Variants in PCSK2 observed in about 807,000 individuals in gnomAD.
PCSK2 encodes neuroendocrine convertase 2.
A neutral mutation model predicts 69.7 loss-of-function variants in PCSK2; 14 were observed. That is an observed-to-expected ratio of 0.20 (90% CI 0.13 to 0.31). PCSK2 has a LOEUF of 0.31. Among genes scored for constraint, PCSK2 ranks in the 10% least tolerant of loss-of-function variants. The pLI, the probability that PCSK2 is intolerant of heterozygous loss-of-function variation, is 1.00. For synonymous variants in PCSK2, 307 were observed against 320.7 expected, an observed-to-expected ratio of 0.96 and a Z score of 0.46; for missense variants, 544 against 842.5, an observed-to-expected ratio of 0.65 and a Z score of 4.39.
intron 2 of PCSK2, among the ~76,000 whole-genome samples, chr20:17,285,609 T>C (rs1482324974): frequency 6.6e-6 from 1 of 152,244 alleles, no homozygotes; most frequent in African/African-American, 2.4e-5. Flanking sequence ...CAGTAGACTG[T>C]ATTTTGAGCT....
intron 5 of PCSK2, among the ~76,000 whole-genome samples, chr20:17,402,751 A>G (rs1233688021): frequency 6.6e-6 from 1 of 151,664 alleles, no homozygotes; most frequent in Non-Finnish European, 1.5e-5. Flanking sequence ...TTAGGAGATC[A>G]AGACCATCCT....
chr20:17,436,591 G>A, intron 7 of PCSK2, 117 bp from the exon 8 acceptor site: 1 of 809,042 alleles, frequency 1.2e-6, no homozygotes, highest in Non-Finnish European at 2.0e-6. Flanking sequence ...AGTGGCCCCA[G>A]AGCACCTGAG....
intron 5 of PCSK2, among the ~76,000 whole-genome samples, chr20:17,382,235 G>T (rs1223682995): frequency 2.0e-5 from 3 of 152,188 alleles, no homozygotes; most frequent in Non-Finnish European, 4.4e-5. Context: ...AGGAGTGTTA[G>T]TTCCCAGAAT....
At chr20:17,275,708 G>A (rs139861914) in intron 2 of PCSK2, among the ~76,000 whole-genome samples, 1 of 152,210 alleles carries the variant, frequency 6.6e-6, no homozygotes, top group Non-Finnish European at 1.5e-5. Flanking sequence ...TGAAGTATAA[G>A]GAAACGTGCA....
At chr20:17,470,791 C>T (rs1309393047) in intron 11 of PCSK2, among the ~76,000 whole-genome samples, 2 of 152,184 alleles carry the variant, frequency 1.3e-5, no homozygotes, top group African/African-American at 2.4e-5. Context: ...ACCTCATTCC[C>T]TTATTGCAAA....
intron 6 of PCSK2, among the ~76,000 whole-genome samples, chr20:17,416,500 A>G (rs532717873): frequency 1.1e-3 from 168 of 152,336 alleles, no homozygotes; most frequent in African/African-American, 3.3e-3. Context: ...TAGAATGGTG[A>G]TCATTAAAAA....
chr20:17,282,498 C>T (rs907183247), intron 2 of PCSK2, among the ~76,000 whole-genome samples: 1 of 152,090 alleles, frequency 6.6e-6, no homozygotes, highest in Non-Finnish European at 1.5e-5. Context: ...GACAAGCTTA[C>T]TCAAGCAAAG....
At chr20:17,290,195 G>A (rs1167804152) in intron 2 of PCSK2, among the ~76,000 whole-genome samples, 1 of 152,156 alleles carries the variant, frequency 6.6e-6, no homozygotes, top group Non-Finnish European at 1.5e-5. Context: ...CCTTGAGTGT[G>A]TGGCTTACAG....
rs1276661621 is a variant in PCSK2 at position 17,347,820 on chromosome 20, G to T, written c.283-10507G>T. Among the ~76,000 whole-genome samples, 61 of 127,462 alleles carry T rather than the reference G, an allele frequency of 4.8e-4. 1 individual carries two copies. The highest frequency in any genetic ancestry group is 1.8e-3 in the African/African-American group (59 of 33,310). The allele number at this position is 127,462 out of a possible 152,430, so 83.6% of individuals were successfully genotyped here. A position where few individuals can be genotyped will look rare whatever the true frequency, so the allele number is the denominator to read the frequency against. ...AGAAAGAAAGAAAGAAAGAAAGAAAGAAAGAAAGAAAGAAAGAAAGAAAGA... is the reference window on the plus strand; with the variant it reads ...AGAAAGAAAGAAAGAAAGAAAGAAATAAAGAAAGAAAGAAAGAAAGAAAGA... On this transcript the variant is annotated intron_variant, in intron 2 of 11. Coordinates refer to ENST00000262545, the MANE Select transcript of PCSK2 (RefSeq NM_002594.5).
chr20:17,455,964 G>A (rs1208629552), intron 9 of PCSK2, among the ~76,000 whole-genome samples: 1 of 152,204 alleles, frequency 6.6e-6, no homozygotes, highest in Admixed American at 6.5e-5. Context: ...AAAAGGAGTA[G>A]GCTGGGGGCA....
intron 2 of PCSK2, among the ~76,000 whole-genome samples, chr20:17,353,327 T>C (rs1442862567): frequency 1.3e-5 from 2 of 151,724 alleles, no homozygotes; most frequent in Non-Finnish European, 2.9e-5. Context: ...TAGCTGGGCG[T>C]GGTGGCACAC....
intron 2 of PCSK2, among the ~76,000 whole-genome samples, chr20:17,313,560 A>C (rs1316527925): frequency 6.6e-6 from 1 of 152,084 alleles, no homozygotes; most frequent in Non-Finnish European, 1.5e-5. Flanking sequence ...AAACAAGAAA[A>C]ACATAAGCTC....
At chr20:17,255,019 T>C (rs1460206144) in intron 1 of PCSK2, among the ~76,000 whole-genome samples, 4 of 152,246 alleles carry the variant, frequency 2.6e-5, no homozygotes, top group African/African-American at 9.6e-5. Flanking sequence ...GTTAATCTTA[T>C]ATTCTGCAAC....
chr20:17,285,749 T>G (rs2123055262), intron 2 of PCSK2, among the ~76,000 whole-genome samples: 1 of 152,278 alleles, frequency 6.6e-6, no homozygotes, highest in African/African-American at 2.4e-5. Flanking sequence ...GAGCCACCAT[T>G]ACTGTTAAGG....
intron 2 of PCSK2, among the ~76,000 whole-genome samples, chr20:17,261,953 A>T (rs1987404569): frequency 6.6e-6 from 1 of 152,250 alleles, no homozygotes; most frequent in Non-Finnish European, 1.5e-5. Flanking sequence ...TGAAAGAGAC[A>T]TTTAAAAGGC....
Position 17,227,357 on chromosome 20 carries a change from T to G in PCSK2, c.52T>G (p.Cys18Gly), listed in dbSNP as rs149426043. Residue 18 changes from cysteine to glycine, a missense_variant, in exon 1 of 12, where the codon TGT (cysteine) becomes GGT (glycine). By Grantham distance (159) the Cys-to-Gly change is radical (BLOSUM62 -3). Transcript: ENST00000262545. ...QWKAAAGFLF[C>G]VMVFASAERP... The stretch of plus-strand genomic sequence containing the variant: ...GAAGGCGGCCGCCGGGTTCCTCTTC[T>G]GTGTCATGGTTTTTGCATCTGCTGA... 2.7e-5 allele frequency: 44 copies of G among 1,613,938 alleles called. No homozygotes were observed. The highest frequency in any genetic ancestry group is 3.4e-5 in the Non-Finnish European group (40 of 1,179,990).
At chr20:17,374,112 T>C (rs548890457) in intron 5 of PCSK2, among the ~76,000 whole-genome samples, 1 of 152,340 alleles carries the variant, frequency 6.6e-6, no homozygotes, top group African/African-American at 2.4e-5. Context: ...GGGTATTTTC[T>C]CTAAGTCAAT....
At chr20:17,273,505 A>T (rs374158684) in intron 2 of PCSK2, among the ~76,000 whole-genome samples, 5 of 152,192 alleles carry the variant, frequency 3.3e-5, no homozygotes, top group Admixed American at 2.6e-4. Flanking sequence ...TCACAAATAC[A>T]TTATAACTTT....
At chr20:17,281,499 A>G (rs1321103052) in intron 2 of PCSK2, among the ~76,000 whole-genome samples, 1 of 152,222 alleles carries the variant, frequency 6.6e-6, no homozygotes, top group African/African-American at 2.4e-5. Context: ...GAATGTTACA[A>G]GGACCTTTCA....
Sources: allele counts gnomAD v4.1 joint callset (sites outside exome capture counted in the v4.1 genomes callset), GRCh38; gene constraint gnomAD v4.1.1; transcripts MANE v1.5; gene names NCBI Gene and HGNC (gene_info 2026-07-23, HGNC 2026-07-21).